FAM227B: variants seen among roughly 807,000 people sequenced by gnomAD.
FAM227B encodes the protein protein FAM227B.
FAM227B carries 88 observed loss-of-function variants against 73.8 expected under a neutral mutation model. That is an observed-to-expected ratio of 1.19 (90% CI 1.00 to 1.42). FAM227B has a LOEUF of 1.42. Among genes scored for constraint, FAM227B ranks in the 40% most tolerant of loss-of-function variants. The pLI is 0.00. For synonymous variants in FAM227B, 210 were observed against 190.5 expected (o/e 1.10, Z -0.84); for missense variants, 632 against 590.9 (o/e 1.07, Z -0.72).
At chr15:49,496,290 A>G (rs1484833604) in intron 11 of FAM227B, among the ~76,000 whole-genome samples, 1 of 152,184 alleles carries the variant, frequency 6.6e-6, no homozygotes, top group African/African-American at 2.4e-5. Flanking sequence ...CTTGCGGTTT[A>G]AGCTACAGTT....
rs144810815 is a variant in FAM227B at position 49,520,196 on chromosome 15, C to T, written c.875-11848G>A. 8.5e-3 allele frequency among the ~76,000 whole-genome samples: 1,290 copies of T among 152,320 alleles called. 10 individuals are homozygous for T. Among genetic ancestry groups the T allele is most frequent in the Non-Finnish European group, 0.013 (877 of 68,020 alleles). On this transcript the variant is annotated intron_variant, in intron 10 of 15. Coordinates refer to ENST00000299338, the MANE Select transcript of FAM227B (RefSeq NM_152647.3). Reference sequence around the variant, plus strand: ...TCATCTCCGTCTGACACCACTTCATCCTGGACTTTATTGTCCATATCACTA... The same window carrying T: ...TCATCTCCGTCTGACACCACTTCATTCTGGACTTTATTGTCCATATCACTA...
intron 9 of FAM227B, among the ~76,000 whole-genome samples, chr15:49,556,943 C>T (rs1056314195): frequency 6.6e-6 from 1 of 152,156 alleles, no homozygotes; most frequent in Non-Finnish European, 1.5e-5. Context: ...GCCAGGATTC[C>T]AGAGGTCCCT....
At chr15:49,569,515 T>A (rs1187732632) in intron 8 of FAM227B, among the ~76,000 whole-genome samples, 1 of 151,942 alleles carries the variant, frequency 6.6e-6, no homozygotes, top group Non-Finnish European at 1.5e-5. Context: ...AACGTATAAA[T>A]CATAATTGTG....
intron 9 of FAM227B, among the ~76,000 whole-genome samples, chr15:49,547,826 A>T (rs2072170142): frequency 6.6e-6 from 1 of 152,238 alleles, no homozygotes; most frequent in Non-Finnish European, 1.5e-5. Context: ...TTTGTAAAAC[A>T]ATTATTACTA....
chr15:49,417,413 G>A lies in FAM227B; in HGVS notation c.1013-46014C>T, dbSNP rs938739468. On this transcript the variant is annotated intron_variant, in intron 11 of 15. Coordinates refer to ENST00000299338, the MANE Select transcript of FAM227B (RefSeq NM_152647.3). ...CAAAGCTGGAGGCATCATGCTACCCGACTTCAAACTATACTATAAGGCTAC... is the reference window on the plus strand; with the variant it reads ...CAAAGCTGGAGGCATCATGCTACCCAACTTCAAACTATACTATAAGGCTAC... Among the ~76,000 whole-genome samples the A allele has an allele frequency of 4.6e-5, 7 of 152,062 alleles. No homozygotes were observed. In the East Asian group the frequency reaches 5.8e-4, roughly 13 times the overall value.
At chr15:49,511,015 T>C (rs1036789954) in intron 10 of FAM227B, among the ~76,000 whole-genome samples, 1 of 152,044 alleles carries the variant, frequency 6.6e-6, no homozygotes, top group Non-Finnish European at 1.5e-5. Flanking sequence ...ACTCACAATT[T>C]ACTGTGGCAT....
intron 11 of FAM227B, chr15:49,486,444 A>G (rs1467674100): frequency 1.3e-5 from 2 of 152,006 alleles, no homozygotes; most frequent in Non-Finnish European, 2.9e-5. Flanking sequence ...AGGAGGACTT[A>G]GTTTTTCATA....
At chr15:49,597,744 AAG>A (rs2076964449) in intron 3 of FAM227B, among the ~76,000 whole-genome samples, 1 of 152,096 alleles carries the variant, frequency 6.6e-6, no homozygotes, top group Non-Finnish European at 1.5e-5. Flanking sequence ...GCAAGAAAAG[AAG>A]AGAGAAGATC....
chr15:49,340,403 G>GCCCCCCCCCCCCCCCCCC (rs373386438), intron 13 of FAM227B, among the ~76,000 whole-genome samples: 7 of 94,380 alleles, frequency 7.4e-5, no homozygotes, highest in African/African-American at 1.2e-4. Context: ...GCAGTGCCCC[G>GCCCCCCCCCCCCCCCCCC]CCCCCCCCCT....
intron 11 of FAM227B, among the ~76,000 whole-genome samples, chr15:49,504,655 C>T (rs1006125512): frequency 2.0e-5 from 3 of 152,016 alleles, no homozygotes; most frequent in Non-Finnish European, 4.4e-5. Flanking sequence ...TCACTTGCTG[C>T]TTCTTTCACC....
intron 10 of FAM227B, among the ~76,000 whole-genome samples, chr15:49,531,308 C>G (rs2152227029): frequency 6.6e-6 from 1 of 151,652 alleles, no homozygotes; most frequent in South Asian, 2.1e-4. Flanking sequence ...AAGGCACACC[C>G]TACAGATTTG....
At chr15:49,479,457 A>G (rs1290697157) in intron 11 of FAM227B, among the ~76,000 whole-genome samples, 4 of 152,200 alleles carry the variant, frequency 2.6e-5, no homozygotes, top group African/African-American at 9.7e-5. Flanking sequence ...CAACGGATAC[A>G]CTGTAGACAA....
chr15:49,444,898 A>G lies in FAM227B; in HGVS notation c.1012+63313T>C, dbSNP rs896900411. Among the ~76,000 whole-genome samples the G allele has an allele frequency of 2.0e-5, 3 of 151,704 alleles. No homozygotes were observed. The South Asian group carries it at 6.2e-4, about 31-fold the overall frequency. On this transcript the variant is annotated intron_variant, in intron 11 of 15. Transcript: ENST00000299338. Reference sequence around the variant, plus strand: ...GCCTCTCTTTTTTTGTTTTTATCACATCTCAGAATACTGGTAATTAGAAGC... The same window carrying G: ...GCCTCTCTTTTTTTGTTTTTATCACGTCTCAGAATACTGGTAATTAGAAGC...
intron 11 of FAM227B, among the ~76,000 whole-genome samples, chr15:49,467,119 G>T (rs1281387658): frequency 1.3e-5 from 2 of 152,140 alleles, no homozygotes; most frequent in South Asian, 2.1e-4. Context: ...CTACTGGATG[G>T]TAAGTTTCAC....
chr15:49,449,367 T>C (rs1323084268), intron 11 of FAM227B, among the ~76,000 whole-genome samples: 1 of 152,094 alleles, frequency 6.6e-6, no homozygotes, highest in Non-Finnish European at 1.5e-5. Flanking sequence ...GATTTTAGTA[T>C]ATAAAGACAG....
At chr15:49,341,867 G>T (rs912600538) in intron 13 of FAM227B, among the ~76,000 whole-genome samples, 1 of 152,036 alleles carries the variant, frequency 6.6e-6, no homozygotes, top group Non-Finnish European at 1.5e-5. Context: ...AATCTTTTTG[G>T]TATTGATACC....
chr15:49,353,414 C>T (rs1166727046), intron 13 of FAM227B: 1 of 152,098 alleles, frequency 6.6e-6, no homozygotes, highest in Non-Finnish European at 1.5e-5. Context: ...ATCAATTCTC[C>T]ATCATATTTT....
intron 10 of FAM227B, among the ~76,000 whole-genome samples, chr15:49,540,276 A>G (rs1443799311): frequency 6.6e-6 from 1 of 152,208 alleles, no homozygotes; most frequent in African/African-American, 2.4e-5. Context: ...TTTGCAGAGC[A>G]GGCCACTGGA....
At position 49,576,800 on chromosome 15, in the gene FAM227B, G is replaced by C. The variant is rs777744756; in HGVS notation, c.487C>G (p.Pro163Ala). Residue 163 changes from proline (P) to alanine (A), a missense_variant, in exon 7 of 16, where the codon CCC becomes GCC. Coordinates refer to ENST00000299338, the MANE Select transcript of FAM227B (RefSeq NM_152647.3). ...ATTTGTTCAGCATCCAAATGTCTGG[G>C]TAGCTGAGTAAGTTCATTTGCTTTG... The part of the protein sequence containing the change: ...GFKANELTQL[P>A]RHLDAEQIYL... The C allele has an allele frequency of 3.7e-6, 6 of 1,613,130 alleles. No homozygotes were observed. Among genetic ancestry groups the C allele is most frequent in the Non-Finnish European group, 5.1e-6 (6 of 1,179,438 alleles).
Sources: gnomAD v4.1 joint callset for allele counts (sites outside exome capture counted in the v4.1 genomes callset) on GRCh38, gnomAD v4.1.1 for gene constraint, MANE v1.5 for transcripts, NCBI Gene and HGNC (gene_info 2026-07-23, HGNC 2026-07-21) for gene names.